Variants in FOXO3 observed in about 807,000 individuals in gnomAD.
The protein encoded by FOXO3 is forkhead box O3.
A neutral mutation model predicts 41.9 loss-of-function variants in FOXO3; 4 were observed. The observed-to-expected ratio is 0.10, with a 90% CI of 0.05 to 0.22. The LOEUF is 0.22. Ranked by LOEUF, FOXO3 falls within the 10% of genes least tolerant of loss-of-function variation. FOXO3 has a pLI of 1.00. For missense variants in FOXO3, 534 were observed against 906.8 expected (o/e 0.59, Z 5.28); for synonymous variants, 318 against 389.3 (o/e 0.82, Z 2.16).
rs1775775761 is a variant in FOXO3, at chr6:108,561,257, G to A, written c.49G>A (p.Glu17Lys). Reference sequence around the variant, plus strand: ...GGCCCCGCTCTCTCCGCTCGAAGTGGAGCTGGACCCGGAGTTCGAGCCCCA... The same window carrying A: ...GGCCCCGCTCTCTCCGCTCGAAGTGAAGCTGGACCCGGAGTTCGAGCCCCA... ...SPAPLSPLEV[E>K]LDPEFEPQSR... Residue 17 changes from glutamate (E) to lysine (K), a missense_variant, in exon 1 of 3, where the codon GAG (glutamate) becomes AAG (lysine). By Grantham distance (56) the Glu-to-Lys change is moderately conservative (BLOSUM62 1). Around this residue, in one of 8 missense-constraint regions of FOXO3, gnomAD observed 19 missense variants for 26.2 expected, o/e 0.73. Coordinates refer to ENST00000406360, the MANE Select transcript of FOXO3 (RefSeq NM_001455.4). The A allele has an allele frequency of 1.9e-6, 3 of 1,565,682 alleles. No individual in the cohort carries two copies. The highest frequency in any genetic ancestry group is 4.8e-5 in the East Asian group (2 of 41,952).
intron 1 of FOXO3, among the ~76,000 whole-genome samples, chr6:108,586,892 T>C (rs534562476): frequency 7.3e-5 from 11 of 151,592 alleles, no homozygotes; most frequent in African/African-American, 2.4e-4. Context: ...GGAAATTACA[T>C]TAACATTTAT....
rs1172899296 is a variant in FOXO3, at chr6:108,580,475, C to T, written c.621+18646C>T. On this transcript the variant is annotated intron_variant, in intron 1 of 2. Transcript: ENST00000406360. ...TGTTGGGATTACAGGCGTGAGCCAC[C>T]GTGCCCAGCCTTAGCTCTTTCTCTT... is the stretch of plus-strand genomic sequence containing the variant. Among the ~76,000 whole-genome samples the T allele has an allele frequency of 5.9e-5, 9 of 152,138 alleles. No individual in the cohort carries two copies. The East Asian group carries it at 7.7e-4, about 13-fold the overall frequency.
Position 108,681,601 on chromosome 6 carries a change from G to T in FOXO3, c.*1809G>T, listed in dbSNP as rs964420139. 6.6e-6 allele frequency: 1 copy of T among 151,110 alleles called. No homozygotes were observed. 9.4% of individuals were successfully genotyped at this position (151,110 alleles called of 1,614,324 possible). A position where few individuals can be genotyped will look rare whatever the true frequency, so the allele number is the denominator to read the frequency against. On this transcript the variant is annotated 3_prime_UTR_variant, in exon 3 of 3. Transcript: ENST00000406360. The stretch of plus-strand genomic sequence containing the variant: ...GGTATTGTCACACGTCTCCTGCCTC[G>T]CTTGGGTTGCCATGTTTGAGCGATG...
chr6:108,668,445 A>G (rs1389989837), intron 2 of FOXO3, among the ~76,000 whole-genome samples: 1 of 152,310 alleles, frequency 6.6e-6, no homozygotes, highest in East Asian at 1.9e-4. Flanking sequence ...ATGTGCTTAC[A>G]GTTGGTGGCA....
intron 1 of FOXO3, among the ~76,000 whole-genome samples, chr6:108,657,250 C>T (rs1008526174): frequency 1.3e-5 from 2 of 152,196 alleles, no homozygotes; most frequent in African/African-American, 4.8e-5. Context: ...TTTCGGCCCA[C>T]GTTGGGGACA....
intron 1 of FOXO3, among the ~76,000 whole-genome samples, chr6:108,572,438 G>C (rs1582733457): frequency 6.6e-6 from 1 of 152,166 alleles, no homozygotes; most frequent in African/African-American, 2.4e-5. Context: ...TCAGGCTTAT[G>C]TCTGCTCTGT....
chr6:108,617,760 C>T (rs1777555651), intron 1 of FOXO3, among the ~76,000 whole-genome samples: 1 of 152,090 alleles, frequency 6.6e-6, no homozygotes, highest in African/African-American at 2.4e-5. Context: ...CATCCCGTCT[C>T]CACTTGATGT....
At chr6:108,622,256 CAAAAAAAAAA>C (rs984779744) in intron 1 of FOXO3, among the ~76,000 whole-genome samples, 2 of 48,458 alleles carry the variant, frequency 4.1e-5, no homozygotes, top group Non-Finnish European at 8.4e-5. Flanking sequence ...AAGACTGTCT[CAAAAAAAAAA>C]AAAAAAAAAA....
intron 1 of FOXO3, among the ~76,000 whole-genome samples, chr6:108,611,619 A>G (rs558173298): frequency 1.3e-5 from 2 of 151,658 alleles, no homozygotes; most frequent in South Asian, 4.2e-4. Context: ...AATGATTAAT[A>G]ATGTTATGCA....
At chr6:108,583,703 A>G (rs897105244) in intron 1 of FOXO3, among the ~76,000 whole-genome samples, 1 of 152,228 alleles carries the variant, frequency 6.6e-6, no homozygotes, top group Non-Finnish European at 1.5e-5. Context: ...AGTCTCTGGA[A>G]TAAGGAATTT....
At position 108,624,266 on chromosome 6, in the gene FOXO3, C is replaced by G. The variant is rs533926829; in HGVS notation, c.622-39189C>G. ...TGGTTGCTGGAATTTTAGGGTGTAT[C>G]TCTTTGCTTCTTCAGATGAGACATT... is the stretch of plus-strand genomic sequence containing the variant. On this transcript the variant is annotated intron_variant, in intron 1 of 2. Transcript: ENST00000406360. Among the ~76,000 whole-genome samples, 319 of 151,688 alleles carry G rather than the reference C, an allele frequency of 2.1e-3. 2 individuals are homozygous for G. The highest frequency in any genetic ancestry group is 7.6e-3 in the African/African-American group (313 of 41,316).
rs1377911215 is a variant in FOXO3 at position 108,681,438 on chromosome 6, A to G, written c.*1646A>G. On this transcript the variant is annotated 3_prime_UTR_variant, in exon 3 of 3. Transcript: ENST00000406360. ...TGATGCTTGCACCGTGACAGTGGGC[A>G]CCAACACAGACGTGCCACCCAACCC... 3.9e-5 allele frequency: 6 copies of G among 152,168 alleles called. No individual in the cohort carries two copies. The allele number at this position is 152,168 out of a possible 1,614,324, so 9.4% of individuals were successfully genotyped here.
chr6:108,636,283 G>A (rs1432126777), intron 1 of FOXO3, among the ~76,000 whole-genome samples: 2 of 152,206 alleles, frequency 1.3e-5, no homozygotes, highest in Non-Finnish European at 2.9e-5. Context: ...CACACATCAA[G>A]TGTTAGTTTG....
intron 1 of FOXO3, among the ~76,000 whole-genome samples, chr6:108,563,810 T>G (rs1282632050): frequency 3.3e-5 from 5 of 152,172 alleles, no homozygotes; most frequent in African/African-American, 1.2e-4. Flanking sequence ...GGGGGGAAGA[T>G]TTACATGAGA....
intron 1 of FOXO3, among the ~76,000 whole-genome samples, chr6:108,592,663 G>T (rs976542756): frequency 7.2e-5 from 11 of 152,192 alleles, no homozygotes; most frequent in Non-Finnish European, 1.6e-4. Context: ...AAGAGGCTGG[G>T]TGTTCCTCAG....
intron 2 of FOXO3, among the ~76,000 whole-genome samples, chr6:108,666,575 C>G (rs976894815): frequency 6.6e-6 from 1 of 151,736 alleles, no homozygotes; most frequent in Non-Finnish European, 1.5e-5. Context: ...GATCTCCTGA[C>G]CTTGTGATCC....
rs147203427 is a variant in FOXO3, at chr6:108,624,913, A to G, written c.622-38542A>G. Among the ~76,000 whole-genome samples, 304 of 152,158 alleles carry G rather than the reference A, an allele frequency of 2.0e-3. 1 individual carries two copies. The highest frequency in any genetic ancestry group is 6.9e-3 in the African/African-American group (288 of 41,514). On this transcript the variant is annotated intron_variant, in intron 1 of 2. Transcript: ENST00000406360. ...GCCTCTGGAGTAGCTGGAATTGGAG[A>G]TACAAGCCACCACGCTCAGTGTTTT...
At chr6:108,567,617 A>G (rs1775981379) in intron 1 of FOXO3, among the ~76,000 whole-genome samples, 3 of 152,208 alleles carry the variant, frequency 2.0e-5, no homozygotes, top group Admixed American at 6.5e-5. Context: ...GGGTGGAGTA[A>G]CGGGTGTGTC....
At chr6:108,571,482 T>C (rs1034153249) in intron 1 of FOXO3, among the ~76,000 whole-genome samples, 1 of 152,132 alleles carries the variant, frequency 6.6e-6, no homozygotes, top group Admixed American at 6.5e-5. Flanking sequence ...ATTAGTTAAA[T>C]TAAAGTGAAG....
Sources: allele counts gnomAD v4.1 joint callset (sites outside exome capture counted in the v4.1 genomes callset), GRCh38; gene constraint gnomAD v4.1.1; regional missense constraint gnomAD v4.1.1; transcripts MANE v1.5; gene names NCBI Gene and HGNC (gene_info 2026-07-23, HGNC 2026-07-21).